Variants in DUSP16 observed in about 807,000 individuals in gnomAD.
DUSP16 encodes the protein dual specificity protein phosphatase 16.
In DUSP16, 21 loss-of-function variants were observed where a neutral mutation model predicts 58.3. The observed-to-expected ratio is 0.36, with a 90% CI of 0.26 to 0.52. The LOEUF (loss-of-function observed/expected upper bound fraction) is 0.52, where lower values mean the gene tolerates loss of function less well. Among genes scored for constraint, DUSP16 ranks in the 20% least tolerant of loss-of-function variants. The pLI is 0.94. For synonymous variants in DUSP16, 320 were observed against 323.8 expected, an observed-to-expected ratio of 0.99 and a Z score of 0.12; for missense variants, 726 against 819.0, an observed-to-expected ratio of 0.89 and a Z score of 1.39.
intron 4 of DUSP16, among the ~76,000 whole-genome samples, chr12:12,498,910 T>C (rs910661559): frequency 6.6e-6 from 1 of 152,302 alleles, no homozygotes; most frequent in East Asian, 1.9e-4. Flanking sequence ...AAATATTTCC[T>C]CTCGATACAT....
chr12:12,537,802 G>A (rs1005604218), intron 1 of DUSP16, among the ~76,000 whole-genome samples: 2 of 152,130 alleles, frequency 1.3e-5, no homozygotes, highest in Admixed American at 6.5e-5. Context: ...AGTAGAACAC[G>A]ATAATAAATG....
chr12:12,510,871 C>T (rs1438555813), intron 3 of DUSP16, among the ~76,000 whole-genome samples: 1 of 152,050 alleles, frequency 6.6e-6, no homozygotes, highest in African/African-American at 2.4e-5. Flanking sequence ...TCTGTGAAGG[C>T]CCAGGGTGCA....
intron 4 of DUSP16, among the ~76,000 whole-genome samples, chr12:12,495,346 G>A (rs1943814785): frequency 6.6e-6 from 1 of 151,896 alleles, no homozygotes; most frequent in Admixed American, 6.6e-5. Flanking sequence ...AGCAGGCGAG[G>A]TTCATCTGCA....
In DUSP16 at chr12:12,500,505, T is replaced by G. The variant is rs748825859; in HGVS notation, c.531+14A>C. On this transcript the variant is annotated intron_variant, in intron 4 of 6. Transcript: ENST00000298573. The stretch of plus-strand genomic sequence containing the variant: ...TATAAACCCAGCAATGAAGGATATT[T>G]TCAAAGCACCCACCTTGTTGAGGAC... 7 of 1,593,018 alleles carry G rather than the reference T, an allele frequency of 4.4e-6. No homozygotes were observed. The highest frequency in any genetic ancestry group is 6.0e-6 in the Non-Finnish European group (7 of 1,172,300).
chr12:12,510,890 T>A (rs1240015539), intron 3 of DUSP16, among the ~76,000 whole-genome samples: 1 of 152,058 alleles, frequency 6.6e-6, no homozygotes, highest in African/African-American at 2.4e-5. Flanking sequence ...CATGATGTCT[T>A]AGGTTTAGAG....
intron 1 of DUSP16, among the ~76,000 whole-genome samples, chr12:12,526,007 G>GT (rs1944301491): frequency 6.6e-6 from 1 of 152,174 alleles, no homozygotes; most frequent in Non-Finnish European, 1.5e-5. Context: ...CAGCAAGGCA[G>GT]TATTTATCAA....
intron 1 of DUSP16, among the ~76,000 whole-genome samples, chr12:12,550,503 A>G (rs1944709471): frequency 6.6e-6 from 1 of 152,212 alleles, no homozygotes; most frequent in Non-Finnish European, 1.5e-5. Flanking sequence ...GTGATGATGT[A>G]TCTATCACTC....
intron 3 of DUSP16, among the ~76,000 whole-genome samples, chr12:12,516,109 G>GT (rs5796495): frequency 0.53 from 78,649 of 149,322 alleles, 21,160 homozygotes; most frequent in East Asian, 0.71. Context: ...ATCCAAATTT[G>GT]TTTTTTTTTT....
At chr12:12,554,637 C>A (rs1290822883) in intron 1 of DUSP16, 1 of 152,136 alleles carries the variant, frequency 6.6e-6, no homozygotes, top group East Asian at 1.9e-4. Context: ...TTAAAATGAA[C>A]ATTTCGCATC....
At position 12,473,657 on chromosome 12, in the gene DUSP16, A is replaced by G. The variant is rs201049773; in HGVS notation, c.*3176T>C. On this transcript the variant is annotated 3_prime_UTR_variant, in exon 7 of 7. Transcript: ENST00000298573. ...TCACCTGTGATTCTTTCTGTAGTCAATATTCCATCTGTTTGCACTGAAGCT... is the reference window on the plus strand; with the variant it reads ...TCACCTGTGATTCTTTCTGTAGTCAGTATTCCATCTGTTTGCACTGAAGCT... Among the ~76,000 whole-genome samples the G allele has an allele frequency of 4.1e-4, 63 of 152,294 alleles. No individual in the cohort carries two copies. Among genetic ancestry groups the G allele is most frequent in the African/African-American group, 1.5e-3 (61 of 41,564 alleles).
At chr12:12,492,620 T>C (rs1943777544) in intron 4 of DUSP16, among the ~76,000 whole-genome samples, 1 of 151,966 alleles carries the variant, frequency 6.6e-6, no homozygotes, top group Non-Finnish European at 1.5e-5. Context: ...CAGCTTCGCG[T>C]CTCCCTCCAG....
At chr12:12,556,427 C>G (rs992777553) in intron 1 of DUSP16, among the ~76,000 whole-genome samples, 2 of 151,798 alleles carry the variant, frequency 1.3e-5, no homozygotes, top group Admixed American at 6.6e-5. Flanking sequence ...TAATAATTAG[C>G]CGGGTGTGGT....
chr12:12,478,673 GAC>G (rs1236802141), intron 6 of DUSP16, among the ~76,000 whole-genome samples: 1 of 151,886 alleles, frequency 6.6e-6, no homozygotes, highest in Non-Finnish European at 1.5e-5. Flanking sequence ...GGACACCCCT[GAC>G]ACACACACAC....
At chr12:12,480,620 T>C (rs1056608458) in intron 5 of DUSP16, among the ~76,000 whole-genome samples, 6 of 152,114 alleles carry the variant, frequency 3.9e-5, no homozygotes, top group African/African-American at 1.5e-4. Context: ...TCCTGACTTA[T>C]GTTAGTATTT....
rs1943422596 is a variant in DUSP16 at position 12,475,897 on chromosome 12, G to C, written c.*936C>G. 1 of 152,188 alleles carries C rather than the reference G, an allele frequency of 6.6e-6. No homozygotes were observed. Among genetic ancestry groups the C allele is most frequent in the South Asian group, 2.1e-4 (1 of 4,818 alleles). 9.4% of individuals were successfully genotyped at this position (152,188 alleles called of 1,614,324 possible). On this transcript the variant is annotated 3_prime_UTR_variant, in exon 7 of 7. Transcript: ENST00000298573. ...ACCCAAATAAATTCACATTTGGCTT[G>C]AAACCAAGTTCATCTTTATTTAAAG...
chr12:12,521,291 T>C lies in DUSP16; in HGVS notation c.-193A>G. 1 of 1,431,616 alleles carries C rather than the reference T, an allele frequency of 7.0e-7. No individual in the cohort carries two copies. Among genetic ancestry groups the C allele is most frequent in the South Asian group, 1.5e-5 (1 of 66,548 alleles). 88.7% of individuals were successfully genotyped at this position (1,431,616 alleles called of 1,614,324 possible). A position where few individuals can be genotyped will look rare whatever the true frequency, so the allele number is the denominator to read the frequency against. ...AGTGAATGTCTCTTTCTCTTTCCCG[T>C]TGATGTGCTCTTGCAAAGGACTCCG... On this transcript the variant is annotated 5_prime_UTR_variant, in exon 2 of 7. Transcript: ENST00000298573.
At chr12:12,543,264 G>C (rs766456416) in intron 1 of DUSP16, among the ~76,000 whole-genome samples, 4 of 152,138 alleles carry the variant, frequency 2.6e-5, no homozygotes, top group Admixed American at 6.5e-5. Context: ...CTGTGGGTAG[G>C]AAACTGTCCT....
intron 1 of DUSP16, among the ~76,000 whole-genome samples, chr12:12,548,349 G>C (rs1944676966): frequency 6.6e-6 from 1 of 152,138 alleles, no homozygotes; most frequent in Non-Finnish European, 1.5e-5. Context: ...AAAACAACAA[G>C]TGTTGGCTGG....
intron 3 of DUSP16, among the ~76,000 whole-genome samples, chr12:12,501,177 T>C (rs143923153): frequency 1.3e-5 from 2 of 152,348 alleles, no homozygotes; most frequent in East Asian, 3.9e-4. Flanking sequence ...AATTTTTTAC[T>C]GCAAAGGTAT....
Sources: gnomAD v4.1 joint callset for allele counts (sites outside exome capture counted in the v4.1 genomes callset) on GRCh38, gnomAD v4.1.1 for gene constraint, MANE v1.5 for transcripts, NCBI Gene and HGNC (gene_info 2026-07-23, HGNC 2026-07-21) for gene names.